The following UNC5D variants were observed in gnomAD, a reference collection of about 807,000 sequenced individuals.
UNC5D encodes unc-5 netrin receptor D.
A neutral mutation model predicts 105.4 loss-of-function variants in UNC5D; 39 were observed. That is an observed-to-expected ratio of 0.37 (90% confidence interval 0.29 to 0.48). The LOEUF (loss-of-function observed/expected upper bound fraction) is 0.48. Among genes scored for constraint, UNC5D ranks in the 20% least tolerant of loss-of-function variants. UNC5D has a pLI of 0.98. For synonymous variants in UNC5D, 452 were observed against 450.4 expected, an observed-to-expected ratio of 1.00 and a Z score of -0.04; for missense variants, 991 against 1,202.4, an observed-to-expected ratio of 0.82 and a Z score of 2.60.
chr8:35,657,839 G>T (rs763685820), intron 4 of UNC5D, among the ~76,000 whole-genome samples: 3 of 152,226 alleles, frequency 2.0e-5, no homozygotes. Context: ...CTATACATTT[G>T]ACATCTAGAG....
At chr8:35,253,927 T>C (rs1803895667) in intron 1 of UNC5D, among the ~76,000 whole-genome samples, 1 of 152,182 alleles carries the variant, frequency 6.6e-6, no homozygotes, top group Non-Finnish European at 1.5e-5. Flanking sequence ...AGTCTGGCAT[T>C]AAATGTTCTT....
chr8:35,334,534 T>C (rs1221776440), intron 1 of UNC5D, among the ~76,000 whole-genome samples: 1 of 150,472 alleles, frequency 6.6e-6, no homozygotes, highest in Non-Finnish European at 1.5e-5. Context: ...TTTTTTGAGA[T>C]GGAGTTTTGC....
chr8:35,562,812 G>A (rs1381577495), intron 2 of UNC5D, among the ~76,000 whole-genome samples: 1 of 151,958 alleles, frequency 6.6e-6, no homozygotes, highest in African/African-American at 2.4e-5. Flanking sequence ...TTAGCTTGAT[G>A]TAATCCTATT....
chr8:35,516,413 C>T lies in UNC5D; in HGVS notation c.104-32879C>T, dbSNP rs377301126. The stretch of plus-strand genomic sequence containing the variant: ...CCAGACGTTTGTACTTCTCACAGCT[C>T]GTAAGTGTCACCTGGCTTGTCATTT... On this transcript the variant is annotated intron_variant, in intron 1 of 16. Coordinates refer to ENST00000404895, the MANE Select transcript of UNC5D (RefSeq NM_080872.4). Among the ~76,000 whole-genome samples, 12 of 152,144 alleles carry T rather than the reference C, an allele frequency of 7.9e-5. No homozygotes were observed. The East Asian group carries it at 2.1e-3, about 27-fold the overall frequency.
intron 3 of UNC5D, among the ~76,000 whole-genome samples, chr8:35,592,323 G>C (rs1352078134): frequency 6.6e-6 from 1 of 152,100 alleles, no homozygotes; most frequent in Non-Finnish European, 1.5e-5. Context: ...CTTTTTAGAG[G>C]AAGAAATCTA....
At chr8:35,253,741 G>T (rs1457677991) in intron 1 of UNC5D, among the ~76,000 whole-genome samples, 1 of 151,722 alleles carries the variant, frequency 6.6e-6, no homozygotes, top group Non-Finnish European at 1.5e-5. Flanking sequence ...CGCCCGCCTC[G>T]GCCTCCCAAA....
intron 16 of UNC5D, among the ~76,000 whole-genome samples, chr8:35,775,105 T>G (rs1320026920): frequency 6.6e-6 from 1 of 152,182 alleles, no homozygotes; most frequent in Non-Finnish European, 1.5e-5. Flanking sequence ...GAGCACTTTC[T>G]TAAGCCAGTG....
chr8:35,770,150 C>A (rs1223926493), intron 15 of UNC5D, among the ~76,000 whole-genome samples: 3 of 152,120 alleles, frequency 2.0e-5, no homozygotes, highest in African/African-American at 7.2e-5. Flanking sequence ...CATCATACTT[C>A]ATGTCCCCTA....
In UNC5D at chr8:35,425,110, C is replaced by T. The variant is rs147370199; in HGVS notation, c.104-124182C>T. On this transcript the variant is annotated intron_variant, in intron 1 of 16. Coordinates refer to ENST00000404895, the MANE Select transcript of UNC5D (RefSeq NM_080872.4). ...AAATGACGAGTTAAAGGGTGCAGCA[C>T]ACCAACATGGCACATGTATACATAT... Among the ~76,000 whole-genome samples, 382 of 152,256 alleles carry T rather than the reference C, an allele frequency of 2.5e-3. 4 individuals are homozygous for T. Among genetic ancestry groups the T allele is most frequent in the African/African-American group, 8.6e-3 (356 of 41,548 alleles).
chr8:35,788,986 G>T (rs2131809218), intron 16 of UNC5D, among the ~76,000 whole-genome samples: 1 of 151,030 alleles, frequency 6.6e-6, no homozygotes. Flanking sequence ...TTGTCTATTT[G>T]TGGGTGTGTA....
At chr8:35,664,931 T>C (rs780631435) in intron 4 of UNC5D, among the ~76,000 whole-genome samples, 20 of 152,160 alleles carry the variant, frequency 1.3e-4, no homozygotes, top group Non-Finnish European at 2.4e-4. Flanking sequence ...ACTCCTGGGC[T>C]GAAGTGATCC....
intron 1 of UNC5D, among the ~76,000 whole-genome samples, chr8:35,491,317 A>C (rs997736751): frequency 6.6e-6 from 1 of 152,190 alleles, no homozygotes; most frequent in Non-Finnish European, 1.5e-5. Flanking sequence ...TTAAATAAGC[A>C]TAACCTGAAC....
At chr8:35,266,591 CATTTT>C (rs1212358463) in intron 1 of UNC5D, among the ~76,000 whole-genome samples, 1 of 152,084 alleles carries the variant, frequency 6.6e-6, no homozygotes, top group Non-Finnish European at 1.5e-5. Flanking sequence ...ATAAGACATC[CATTTT>C]ATTATGCTCT....
chr8:35,747,537 C>G (rs1830066639), intron 11 of UNC5D, among the ~76,000 whole-genome samples: 1 of 152,122 alleles, frequency 6.6e-6, no homozygotes, highest in Non-Finnish European at 1.5e-5. Flanking sequence ...TAGCATTGCT[C>G]TATATTCAAT....
chr8:35,458,415 A>G (rs1263219026), intron 1 of UNC5D, among the ~76,000 whole-genome samples: 1 of 152,150 alleles, frequency 6.6e-6, no homozygotes, highest in Non-Finnish European at 1.5e-5. Flanking sequence ...GGTAGTTGCA[A>G]TAGTGCTCCC....
chr8:35,748,798 G>A, intron 12 of UNC5D, 103 bp downstream of exon 12: 3 of 1,364,190 alleles, frequency 2.2e-6, no homozygotes, highest in South Asian at 3.0e-5. Flanking sequence ...TTTCGTTGTT[G>A]GCAAAGGGTT....
intron 4 of UNC5D, among the ~76,000 whole-genome samples, chr8:35,660,236 G>T (rs944523019): frequency 6.6e-6 from 1 of 152,216 alleles, no homozygotes; most frequent in African/African-American, 2.4e-5. Flanking sequence ...GGTGAAACAT[G>T]AATCTAGAAG....
intron 1 of UNC5D, among the ~76,000 whole-genome samples, chr8:35,416,890 G>C (rs1805566553): frequency 6.6e-6 from 1 of 151,988 alleles, no homozygotes; most frequent in Non-Finnish European, 1.5e-5. Flanking sequence ...GCTATTTGAG[G>C]GTTCTTTATT....
At chr8:35,784,525 A>G (rs1802651979) in intron 16 of UNC5D, among the ~76,000 whole-genome samples, 1 of 152,148 alleles carries the variant, frequency 6.6e-6, no homozygotes, top group Admixed American at 6.5e-5. Flanking sequence ...AAGGCGGCTG[A>G]TTACTGGAGG....
Sources: gnomAD v4.1 joint callset for allele counts (sites outside exome capture counted in the v4.1 genomes callset) on GRCh38, gnomAD v4.1.1 for gene constraint, MANE v1.5 for transcripts, NCBI Gene and HGNC (gene_info 2026-07-23, HGNC 2026-07-21) for gene names.